The following IGSF5 variants were observed in gnomAD, a reference collection of about 807,000 sequenced individuals.
IGSF5 encodes the protein immunoglobulin superfamily member 5.
IGSF5 carries 41 observed loss-of-function variants against 39.4 expected under a neutral mutation model. That is an observed-to-expected ratio of 1.04 (90% CI 0.81 to 1.35). The LOEUF (loss-of-function observed/expected upper bound fraction) is 1.35. IGSF5 is among the 40% of genes most tolerant of loss of function. The pLI is 0.00. For missense variants in IGSF5, 487 were observed against 494.6 expected, an observed-to-expected ratio of 0.98 and a Z score of 0.15; for synonymous variants, 183 against 175.3, an observed-to-expected ratio of 1.04 and a Z score of -0.34.
At chr21:39,737,522 C>T in the IGSF5 span, among the ~76,000 whole-genome samples, 1 of 152,204 alleles carries the variant, frequency 6.6e-6, no homozygotes, top group Non-Finnish European at 1.5e-5. Context: ...TTCCCACAAT[C>T]CCTTCTTTTG....
At chr21:39,796,310 C>T (rs2086995825) in intron 8 of IGSF5, among the ~76,000 whole-genome samples, 1 of 152,188 alleles carries the variant, frequency 6.6e-6, no homozygotes, top group African/African-American at 2.4e-5. Flanking sequence ...CTTTTAAGAA[C>T]TTCCCCAGAC....
At position 39,779,302 on chromosome 21, in the gene IGSF5, A is replaced by G; in HGVS notation, c.931A>G (p.Arg311Gly). 1.9e-6 allele frequency: 3 copies of G among 1,611,718 alleles called. No homozygotes were observed. Among genetic ancestry groups the G allele is most frequent in the East Asian group, 4.5e-5 (2 of 44,778 alleles). Reference protein sequence around the residue: ...CRCCFCCRRKRGFRIQFQKKS... With the variant: ...CRCCFCCRRKGGFRIQFQKKS... ...TTGTTGTTTCTGCTGTAGAAGAAAA[A>G]GAGGTAATTTTTTTGTTCATTTACA... Residue 311 changes from arginine to glycine, a missense_variant, in exon 5 of 9, where the codon AGA becomes GGA. Arg to Gly is a moderately radical substitution (Grantham distance 125). Coordinates refer to ENST00000380588, the MANE Select transcript of IGSF5 (RefSeq NM_001080444.2).
intron 4 of IGSF5, among the ~76,000 whole-genome samples, chr21:39,778,576 C>T (rs760421867): frequency 3.7e-4 from 57 of 152,124 alleles, no homozygotes; most frequent in African/African-American, 1.0e-3. Flanking sequence ...GAGCTGGATG[C>T]GGCTAGGGTG....
chr21:39,793,630 T>TC lies in IGSF5; in HGVS notation c.1128+22dup, dbSNP rs748911337. On this transcript the variant is annotated intron_variant, in intron 8 of 8. Coordinates refer to ENST00000380588, the MANE Select transcript of IGSF5 (RefSeq NM_001080444.2). ...CCTCACCAGGTAGTTTAGACCATTT[T>TC]CCCCCTTTTTGGACTTTTTTGGCTA... 1 of 1,605,154 alleles carries TC rather than the reference T, an allele frequency of 6.2e-7. No individual in the cohort carries two copies. The highest frequency in any genetic ancestry group is 2.2e-5 in the East Asian group (1 of 44,824).
chr21:39,738,195 G>A, the IGSF5 span, among the ~76,000 whole-genome samples: 1 of 152,160 alleles, frequency 6.6e-6, no homozygotes, highest in African/African-American at 2.4e-5. This position sits in a 1 kb window ranked among gnomAD's most constrained non-coding sequence, Gnocchi z 6.4. Context: ...AGTTCCAGGG[G>A]GCTGGGGAGG....
In IGSF5 at chr21:39,763,452, T is replaced by C. The variant is rs552010603; in HGVS notation, c.101-2083T>C. On this transcript the variant is annotated intron_variant, in intron 2 of 8. Coordinates refer to ENST00000380588, the MANE Select transcript of IGSF5 (RefSeq NM_001080444.2). The stretch of plus-strand genomic sequence containing the variant: ...TGGTGTAGCTCCCTCCTCCCTCCTT[T>C]TCATCTCCCAGCTGCAGAATAGGGT... Among the ~76,000 whole-genome samples the C allele has an allele frequency of 2.0e-5, 3 of 152,268 alleles. No individual in the cohort carries two copies. The South Asian group carries it at 6.2e-4, about 32-fold the overall frequency.
At position 39,775,180 on chromosome 21, in the gene IGSF5, C is replaced by T. The variant is rs141979164; in HGVS notation, c.719-3910C>T. Among the ~76,000 whole-genome samples the T allele has an allele frequency of 3.2e-3, 493 of 152,308 alleles. 7 individuals carry two copies. Among genetic ancestry groups the T allele is most frequent in the Non-Finnish European group, 4.5e-3 (309 of 68,024 alleles). ...TAAGGCCTAGCCTTCCCCTCCAGCC[C>T]GATCAAGTGCTATGTCTACACAGAC... On this transcript the variant is annotated intron_variant, in intron 4 of 8. Coordinates refer to ENST00000380588, the MANE Select transcript of IGSF5 (RefSeq NM_001080444.2).
At chr21:39,779,537 A>G (rs773153326) in intron 5 of IGSF5, among the ~76,000 whole-genome samples, 1 of 152,232 alleles carries the variant, frequency 6.6e-6, no homozygotes, top group Non-Finnish European at 1.5e-5. Flanking sequence ...ATAATCCAGC[A>G]ATCCCATTCC....
chr21:39,713,268 C>T, the IGSF5 span, among the ~76,000 whole-genome samples: 13 of 152,148 alleles, frequency 8.5e-5, no homozygotes, highest in Non-Finnish European at 1.3e-4. Context: ...TTACAAGTGC[C>T]TTCTGGCCCT....
the IGSF5 span, among the ~76,000 whole-genome samples, chr21:39,733,597 C>T: frequency 8.5e-5 from 13 of 152,218 alleles, no homozygotes; most frequent in South Asian, 1.0e-3. Context: ...TATTAGCCTC[C>T]CAGGGCTGCC....
chr21:39,790,731 G>A (rs2086959143), intron 6 of IGSF5, among the ~76,000 whole-genome samples: 1 of 152,120 alleles, frequency 6.6e-6, no homozygotes, highest in South Asian at 2.1e-4. Context: ...GTGAACATAA[G>A]TACTCATTTC....
intron 2 of IGSF5, among the ~76,000 whole-genome samples, chr21:39,763,667 C>T (rs1375109955): frequency 2.0e-5 from 3 of 152,146 alleles, no homozygotes; most frequent in Non-Finnish European, 4.4e-5. Flanking sequence ...GGCTGGGGCT[C>T]ACCCACCCCA....
At chr21:39,734,113 T>A in the IGSF5 span, among the ~76,000 whole-genome samples, 22,431 of 152,084 alleles carry the variant, frequency 0.15, 2,394 homozygotes, top group African/African-American at 0.31. Context: ...AAAATTACTT[T>A]TACTACTTCA....
intron 8 of IGSF5, among the ~76,000 whole-genome samples, chr21:39,796,608 C>T (rs377059661): frequency 3.2e-4 from 48 of 152,188 alleles, no homozygotes; most frequent in Middle Eastern, 3.2e-3. Context: ...GAGCTGCTGC[C>T]GCATGTTTTG....
chr21:39,777,112 T>C (rs950168947), intron 4 of IGSF5, among the ~76,000 whole-genome samples: 1 of 152,198 alleles, frequency 6.6e-6, no homozygotes, highest in Admixed American at 6.5e-5. Context: ...ACTGGTTCCA[T>C]CCACAGGAAA....
At chr21:39,731,673 C>T in the IGSF5 span, among the ~76,000 whole-genome samples, 13 of 152,236 alleles carry the variant, frequency 8.5e-5, no homozygotes, top group East Asian at 2.1e-3. Context: ...AGAAGAGCCC[C>T]TAAGTGAATT....
At chr21:39,746,696 G>A (rs1327942286) in intron 2 of IGSF5, among the ~76,000 whole-genome samples, 3 of 152,096 alleles carry the variant, frequency 2.0e-5, no homozygotes, top group South Asian at 2.1e-4. Flanking sequence ...CACAGCTCAC[G>A]GGACTCCTGA....
At chr21:39,746,098 T>A (rs2079973083) in intron 1 of IGSF5, 118 bp from the exon 2 acceptor site, 1 of 680,556 alleles carries the variant, frequency 1.5e-6, no homozygotes, top group African/African-American at 1.8e-5. Context: ...GAGAGAACCA[T>A]GGAAGCCAGT....
chr21:39,784,860 T>A (rs1169628056), intron 5 of IGSF5, among the ~76,000 whole-genome samples: 1 of 152,194 alleles, frequency 6.6e-6, no homozygotes, highest in East Asian at 1.9e-4. Flanking sequence ...TCCAGAGATT[T>A]CTCAGTAAGC....
Sources: allele counts gnomAD v4.1 joint callset (sites outside exome capture counted in the v4.1 genomes callset), GRCh38; gene constraint gnomAD v4.1.1; non-coding constraint Gnocchi (gnomAD v3.1); transcripts MANE v1.5; gene names NCBI Gene and HGNC (gene_info 2026-07-23, HGNC 2026-07-21).